Variants in TBC1D30 observed in about 807,000 individuals in gnomAD.
TBC1D30 encodes the protein TBC1 domain family, member 30.
In TBC1D30, 31 loss-of-function variants were observed where a neutral mutation model predicts 63.2. The ratio of observed to expected loss-of-function variants is 0.49; its 90% confidence interval spans 0.37 to 0.66. The LOEUF (loss-of-function observed/expected upper bound fraction) is 0.66. TBC1D30 is among the 30% of genes least tolerant of loss of function. The pLI is 0.00. For synonymous variants in TBC1D30, 307 were observed against 361.5 expected (o/e 0.85, Z 1.71); for missense variants, 810 against 953.6 (o/e 0.85, Z 1.98).
chr12:64,863,512 A>G (rs1400756480), intron 8 of TBC1D30, among the ~76,000 whole-genome samples: 1 of 152,244 alleles, frequency 6.6e-6, no homozygotes, highest in East Asian at 1.9e-4. Flanking sequence ...TGCAGTCCCT[A>G]TAAGCTGTGT....
chr12:64,825,888 C>A (rs897516789), intron 1 of TBC1D30, among the ~76,000 whole-genome samples: 1 of 152,162 alleles, frequency 6.6e-6, no homozygotes, highest in African/African-American at 2.4e-5. Context: ...TCCCCGGCCC[C>A]CGCCCCCCAG....
chr12:64,869,083 A>G (rs1195609553), intron 10 of TBC1D30, among the ~76,000 whole-genome samples: 1 of 151,970 alleles, frequency 6.6e-6, no homozygotes, highest in African/African-American at 2.4e-5. Flanking sequence ...CTTGGGTGGA[A>G]GCTTTTCTTT....
intron 11 of TBC1D30, among the ~76,000 whole-genome samples, chr12:64,872,515 G>C (rs1878734191): frequency 6.6e-6 from 1 of 152,160 alleles, no homozygotes; most frequent in Non-Finnish European, 1.5e-5. Context: ...CAAAGGCAAA[G>C]CTCTAGAGCT....
At chr12:64,864,283 A>C (rs1490697677) in intron 8 of TBC1D30, among the ~76,000 whole-genome samples, 1 of 152,246 alleles carries the variant, frequency 6.6e-6, no homozygotes, top group East Asian at 1.9e-4. Context: ...ATCATCTAAC[A>C]GAGCTGTGAA....
intron 8 of TBC1D30, among the ~76,000 whole-genome samples, chr12:64,862,480 C>T (rs1284594398): frequency 6.6e-6 from 1 of 152,104 alleles, no homozygotes. Flanking sequence ...GCTGAGTGGC[C>T]CCTGAGGGAT....
chr12:64,832,434 A>G, intron 5 of TBC1D30, 130 bp downstream of exon 5: 1 of 897,572 alleles, frequency 1.1e-6, no homozygotes, highest in Non-Finnish European at 1.6e-6. Flanking sequence ...GACCTATGAT[A>G]GCATTTCCTC....
chr12:64,836,482 T>C lies in TBC1D30; in HGVS notation c.595-8T>C. On this transcript the variant is annotated splice_polypyrimidine_tract_variant and splice_region_variant and intron_variant, in intron 5 of 11. Transcript: ENST00000539867. ...AAGCAGTCTTAAGCTTTATCTTTTT[T>C]TCTTTAGATTATGATTTACCTTATT... is the stretch of plus-strand genomic sequence containing the variant. The C allele has an allele frequency of 1.3e-6, 2 of 1,532,432 alleles. No homozygotes were observed. The highest frequency in any genetic ancestry group is 2.4e-5 in the South Asian group (2 of 83,698). 94.9% of individuals were successfully genotyped at this position (1,532,432 alleles called of 1,614,324 possible).
intron 8 of TBC1D30, among the ~76,000 whole-genome samples, chr12:64,852,416 A>G (rs1876952043): frequency 6.6e-6 from 1 of 152,034 alleles, no homozygotes; most frequent in Admixed American, 6.6e-5. Context: ...CCTTTCTTCA[A>G]GGTTCTTAGC....
intron 2 of TBC1D30, among the ~76,000 whole-genome samples, chr12:64,809,000 T>G (rs1254207658): frequency 1.3e-5 from 2 of 152,236 alleles, no homozygotes; most frequent in Non-Finnish European, 2.9e-5. Flanking sequence ...TTGGCTGCTA[T>G]GAACATGGTA....
intron 2 of TBC1D30, among the ~76,000 whole-genome samples, chr12:64,789,344 C>T (rs1871792297): frequency 6.6e-6 from 1 of 151,864 alleles, no homozygotes; most frequent in Non-Finnish European, 1.5e-5. Context: ...CCACTATGCC[C>T]AGCTAATTTT....
At chr12:64,832,002 T>G in intron 4 of TBC1D30, 117 bp from the exon 5 acceptor site, 1 of 1,061,044 alleles carries the variant, frequency 9.4e-7, no homozygotes, top group Non-Finnish European at 1.3e-6. Flanking sequence ...ACATACACAT[T>G]TTAAAAAAAT....
At chr12:64,873,394 T>C (rs996040983) in intron 11 of TBC1D30, among the ~76,000 whole-genome samples, 3 of 152,142 alleles carry the variant, frequency 2.0e-5, no homozygotes, top group Non-Finnish European at 4.4e-5. Context: ...GTCATGAATT[T>C]AAAGGGCTCA....
At chr12:64,795,719 T>TG (rs1193189203) in intron 2 of TBC1D30, among the ~76,000 whole-genome samples, 1 of 151,532 alleles carries the variant, frequency 6.6e-6, no homozygotes, top group Non-Finnish European at 1.5e-5. Flanking sequence ...TTTTTTTTTT[T>TG]GTCCTTCACT....
At chr12:64,873,169 G>T (rs1172662525) in intron 11 of TBC1D30, among the ~76,000 whole-genome samples, 1 of 152,190 alleles carries the variant, frequency 6.6e-6, no homozygotes, top group Non-Finnish European at 1.5e-5. Flanking sequence ...GGTGGTTGAG[G>T]TATCAGCTTC....
intron 1 of TBC1D30, among the ~76,000 whole-genome samples, chr12:64,782,294 TA>T (rs60553568): frequency 0.063 from 8,900 of 141,682 alleles, 836 homozygotes; most frequent in African/African-American, 0.21. Context: ...CTCACTGTAT[TA>T]AAAAAAAAAA....
chr12:64,848,279 T>C (rs1876562844), intron 8 of TBC1D30, among the ~76,000 whole-genome samples: 1 of 152,084 alleles, frequency 6.6e-6, no homozygotes, highest in African/African-American at 2.4e-5. Flanking sequence ...GTATCTTTTT[T>C]TTTTCTTTAG....
intron 2 of TBC1D30, among the ~76,000 whole-genome samples, chr12:64,802,566 T>G (rs904097907): frequency 6.6e-6 from 1 of 152,192 alleles, no homozygotes; most frequent in African/African-American, 2.4e-5. Flanking sequence ...GTCACATATG[T>G]ATACATGTGC....
chr12:64,853,804 C>T (rs1012742833), intron 8 of TBC1D30, among the ~76,000 whole-genome samples: 4 of 152,208 alleles, frequency 2.6e-5, no homozygotes, highest in African/African-American at 2.4e-5. Flanking sequence ...CTTCAGCTTA[C>T]CCTCCGTGGG....
chr12:64,809,664 C>T (rs952265308), intron 2 of TBC1D30, among the ~76,000 whole-genome samples: 3 of 152,102 alleles, frequency 2.0e-5, no homozygotes, highest in African/African-American at 4.8e-5. Flanking sequence ...TCGAACTATC[C>T]GCCTTCTGGC....
Sources: gnomAD v4.1 joint callset for allele counts (sites outside exome capture counted in the v4.1 genomes callset) on GRCh38, gnomAD v4.1.1 for gene constraint, MANE v1.5 for transcripts, NCBI Gene and HGNC (gene_info 2026-07-23, HGNC 2026-07-21) for gene names.